DIAPH2: variants seen among roughly 807,000 people sequenced by gnomAD.
DIAPH2 encodes the protein diaphanous related formin 2, also known as protein diaphanous homolog 2.
In DIAPH2, 35 loss-of-function variants were observed where a neutral mutation model predicts 92.7. The observed-to-expected ratio is 0.38, with a 90% CI of 0.29 to 0.50. The LOEUF (loss-of-function observed/expected upper bound fraction) is 0.50, where lower values mean the gene tolerates loss of function less well. Ranked by LOEUF, DIAPH2 falls within the 20% of genes least tolerant of loss-of-function variation. The pLI, the probability that DIAPH2 is intolerant of heterozygous loss-of-function variation, is 0.94. For missense variants in DIAPH2, 701 were observed against 819.5 expected, an observed-to-expected ratio of 0.86 and a Z score of 1.77; for synonymous variants, 301 against 280.4, an observed-to-expected ratio of 1.07 and a Z score of -0.73.
At chrX:97,539,061 C>A (rs1173528487) in intron 26 of DIAPH2, among the ~76,000 whole-genome samples, 1 of 112,002 alleles carries the variant, frequency 8.9e-6, no homozygotes, top group Non-Finnish European at 1.9e-5. Context: ...AAAAAAACAA[C>A]ATCACCTTGC....
chrX:97,435,520 A>G (rs748779130), intron 26 of DIAPH2, among the ~76,000 whole-genome samples: 3 of 111,957 alleles, frequency 2.7e-5, no homozygotes, highest in African/African-American at 9.7e-5. Flanking sequence ...TCTGTATAAT[A>G]TGGGCTATTC....
intron 23 of DIAPH2, among the ~76,000 whole-genome samples, chrX:97,267,950 G>C (rs2068351618): frequency 8.9e-6 from 1 of 111,784 alleles, no homozygotes; most frequent in South Asian, 3.8e-4. Flanking sequence ...TAATAAGAAA[G>C]TCAGCTCTTT....
intron 5 of DIAPH2, chrX:96,884,181 A>T (rs17256465): frequency 2.0e-6 from 1 of 505,880 alleles, no homozygotes; most frequent in Non-Finnish European, 3.2e-6. Flanking sequence ...CCAGCATTCA[A>T]TCGTAGCCTT....
rs150424514 is a variant in DIAPH2, at chrX:97,046,579, G to C, written c.2051-26362G>C. Among the ~76,000 whole-genome samples, 1,048 of 112,135 alleles carry C rather than the reference G, an allele frequency of 9.3e-3. 11 individuals are homozygous for C. The highest frequency in any genetic ancestry group is 0.031 in the African/African-American group (969 of 30,924). On this transcript the variant is annotated intron_variant, in intron 17 of 26. Transcript: ENST00000324765. ...TGCTGTCATTGCTGGATAATAGAAAGTGTTCCCTTGAAATTGATTATTATT... is the reference window on the plus strand; with the variant it reads ...TGCTGTCATTGCTGGATAATAGAAACTGTTCCCTTGAAATTGATTATTATT...
chrX:96,725,040 G>A (rs763744446), intron 1 of DIAPH2, among the ~76,000 whole-genome samples: 7 of 111,665 alleles, frequency 6.3e-5, no homozygotes, highest in African/African-American at 1.3e-4. Flanking sequence ...CGAAGAGTCC[G>A]TCGTGAGAAA....
intron 22 of DIAPH2, among the ~76,000 whole-genome samples, chrX:97,229,562 G>A (rs1002778219): frequency 1.9e-4 from 21 of 110,959 alleles, no homozygotes; most frequent in African/African-American, 6.5e-4. Flanking sequence ...GTGACAGCTG[G>A]AAGAGTAGTA....
At chrX:97,538,176 G>A (rs189983937) in intron 26 of DIAPH2, among the ~76,000 whole-genome samples, 249 of 111,081 alleles carry the variant, frequency 2.2e-3, no homozygotes, top group Non-Finnish European at 4.2e-3. Context: ...GAGCCACCGC[G>A]CCCAGCCAAG....
chrX:96,733,904 T>C (rs2064070905), intron 1 of DIAPH2, among the ~76,000 whole-genome samples: 1 of 111,832 alleles, frequency 8.9e-6, no homozygotes, highest in African/African-American at 3.2e-5. Context: ...CTCTTGTTTG[T>C]AAAATGAGAG....
chrX:97,538,428 A>C (rs887780721), intron 26 of DIAPH2, among the ~76,000 whole-genome samples: 7 of 111,838 alleles, frequency 6.3e-5, no homozygotes, highest in African/African-American at 2.3e-4. Flanking sequence ...ATTGCTTAGT[A>C]TAATCTTAAC....
intron 26 of DIAPH2, among the ~76,000 whole-genome samples, chrX:97,434,584 T>TA (rs397945250): frequency 8.3e-5 from 9 of 108,535 alleles, no homozygotes; most frequent in Middle Eastern, 4.8e-3. Context: ...AATTTTTTTT[T>TA]AATTTTTAGT....
chrX:96,685,958 A>G (rs1435454097), intron 1 of DIAPH2, among the ~76,000 whole-genome samples: 1 of 112,281 alleles, frequency 8.9e-6, no homozygotes, highest in Admixed American at 9.4e-5. Context: ...ATTTCCTGCC[A>G]CTGAATGTGC....
intron 19 of DIAPH2, among the ~76,000 whole-genome samples, chrX:97,093,090 A>G (rs770959621): frequency 3.0e-4 from 33 of 108,949 alleles, no homozygotes; most frequent in Admixed American, 2.7e-3. Flanking sequence ...CGGGAGGCTG[A>G]GTTGGGAGGA....
At chrX:97,415,353 G>T (rs1291728033) in intron 25 of DIAPH2, among the ~76,000 whole-genome samples, 5 of 111,926 alleles carry the variant, frequency 4.5e-5, no homozygotes, top group Non-Finnish European at 1.9e-5. Flanking sequence ...CCATTACTGG[G>T]TATATAACCA....
At chrX:96,794,024 T>G (rs1602512447) in intron 4 of DIAPH2, among the ~76,000 whole-genome samples, 1 of 111,425 alleles carries the variant, frequency 9.0e-6, no homozygotes, top group South Asian at 3.8e-4. Context: ...CAACAGAAAT[T>G]TATTGCTCAA....
At chrX:96,909,362 T>C (rs1056558971) in intron 5 of DIAPH2, among the ~76,000 whole-genome samples, 5 of 109,542 alleles carry the variant, frequency 4.6e-5, no homozygotes, top group African/African-American at 1.7e-4. Flanking sequence ...GTATACTCTA[T>C]GTATATGAGA....
intron 24 of DIAPH2, among the ~76,000 whole-genome samples, chrX:97,360,749 T>C (rs1018621567): frequency 2.7e-5 from 3 of 112,641 alleles, no homozygotes; most frequent in African/African-American, 9.7e-5. Context: ...AAACTTTATT[T>C]TGAATGTTAA....
intron 23 of DIAPH2, among the ~76,000 whole-genome samples, chrX:97,262,481 C>G (rs777798766): frequency 3.3e-4 from 37 of 111,904 alleles, no homozygotes; most frequent in Admixed American, 1.1e-3. Context: ...TGAGGGAGAA[C>G]GTAGAAGGAG....
intron 23 of DIAPH2, among the ~76,000 whole-genome samples, chrX:97,251,094 T>G (rs1414818723): frequency 9.0e-6 from 1 of 111,652 alleles, no homozygotes; most frequent in Non-Finnish European, 1.9e-5. Context: ...TCAGAAAAAA[T>G]TAGATGGTAT....
chrX:96,732,655 G>A (rs966545230), intron 1 of DIAPH2, among the ~76,000 whole-genome samples: 6 of 111,345 alleles, frequency 5.4e-5, no homozygotes, highest in Admixed American at 4.8e-4. Context: ...ATGTGCCTTC[G>A]GGTACTCTAT....
Sources: allele counts gnomAD v4.1 joint callset (sites outside exome capture counted in the v4.1 genomes callset), GRCh38; gene constraint gnomAD v4.1.1; transcripts MANE v1.5; gene names NCBI Gene and HGNC (gene_info 2026-07-23, HGNC 2026-07-21).